The following BSN variants were observed in gnomAD, a reference collection of about 807,000 sequenced individuals.
BSN encodes the protein bassoon presynaptic cytomatrix protein.
A neutral mutation model predicts 264.8 loss-of-function variants in BSN; 57 were observed. That is an observed-to-expected ratio of 0.22 (90% CI 0.17 to 0.27). The LOEUF is 0.27. Among genes scored for constraint, BSN ranks in the 10% least tolerant of loss-of-function variants. The pLI is 1.00. For missense variants in BSN, 4,615 were observed against 5,232.5 expected (o/e 0.88, Z 3.64); for synonymous variants, 2,059 against 2,137.3 (o/e 0.96, Z 1.01).
chr3:49,623,763 A>G (rs1446200801), intron 1 of BSN, among the ~76,000 whole-genome samples: 1 of 152,260 alleles, frequency 6.6e-6, no homozygotes, highest in African/African-American at 2.4e-5. Context: ...GATGGCATTA[A>G]CTAGGCATTG....
Position 49,622,584 on chromosome 3 carries a change from C to T in BSN, c.225-2391C>T, listed in dbSNP as rs143283909. Among the ~76,000 whole-genome samples the T allele has an allele frequency of 2.0e-5, 3 of 152,336 alleles. No homozygotes were observed. In the East Asian group the frequency reaches 5.8e-4, roughly 29 times the overall value. ...ATACAATAGAAATGGCTACATTTCT[C>T]AGAAGGCTTGCACCACCTGGAGAGG... On this transcript the variant is annotated intron_variant, in intron 1 of 11. Coordinates refer to ENST00000296452, the MANE Select transcript of BSN (RefSeq NM_003458.4).
intron 1 of BSN, among the ~76,000 whole-genome samples, chr3:49,589,592 C>G (rs577804186): frequency 6.6e-6 from 1 of 150,696 alleles, no homozygotes; most frequent in Non-Finnish European, 1.5e-5. Flanking sequence ...CAGCAACCTC[C>G]GCCTTCCAGG....
intron 3 of BSN, among the ~76,000 whole-genome samples, chr3:49,644,454 C>T (rs2052491032): frequency 6.6e-6 from 1 of 152,194 alleles, no homozygotes; most frequent in Admixed American, 6.5e-5. Context: ...CCACACTTTC[C>T]AATATGCAGG....
intron 1 of BSN, among the ~76,000 whole-genome samples, chr3:49,581,880 A>G (rs2051897925): frequency 6.6e-6 from 1 of 152,140 alleles, no homozygotes; most frequent in Non-Finnish European, 1.5e-5. Context: ...ATAGGCATCT[A>G]CTGGGGGTCT....
At chr3:49,671,923 C>T (rs1272350912), downstream of BSN, among the ~76,000 whole-genome samples, 4 of 152,134 alleles carry the variant, frequency 2.6e-5, no homozygotes, top group Non-Finnish European at 4.4e-5. The surrounding 1 kb of genome is among the most constrained non-coding windows in gnomAD (Gnocchi z 4.1). Flanking sequence ...CTGCCTTGCT[C>T]CGAATTTTCC....
At chr3:49,637,463 G>C (rs2052428277) in intron 2 of BSN, among the ~76,000 whole-genome samples, 1 of 152,162 alleles carries the variant, frequency 6.6e-6, no homozygotes, top group Non-Finnish European at 1.5e-5. Flanking sequence ...TCCCAGAACT[G>C]CCCTCCTTGC....
intron 1 of BSN, among the ~76,000 whole-genome samples, chr3:49,597,529 C>T (rs748566340): frequency 1.1e-4 from 17 of 152,002 alleles, no homozygotes; most frequent in Non-Finnish European, 1.5e-4. Flanking sequence ...CAGGGTCTCA[C>T]TATGTTGCCC....
chr3:49,641,169 A>G (rs372335950), intron 2 of BSN, among the ~76,000 whole-genome samples: 6 of 152,314 alleles, frequency 3.9e-5, no homozygotes, highest in African/African-American at 1.4e-4. Context: ...TTATTGGGTC[A>G]TGTAACTGGA....
chr3:49,613,303 C>CGAGCGAGAGAGAGA (rs1553662875), intron 1 of BSN, among the ~76,000 whole-genome samples: 6 of 47,340 alleles, frequency 1.3e-4, no homozygotes, highest in African/African-American at 2.8e-4. Flanking sequence ...ACACACAGAG[C>CGAGCGAGAGAGAGA]GAGAGAGAGA....
At chr3:49,644,073 AC>A (rs1037288387) in intron 3 of BSN, among the ~76,000 whole-genome samples, 6 of 152,086 alleles carry the variant, frequency 3.9e-5, no homozygotes, top group Admixed American at 3.9e-4. Context: ...GCCCAGGGTC[AC>A]CCATGTGACC....
At chr3:49,623,877 C>T (rs1457470890) in intron 1 of BSN, among the ~76,000 whole-genome samples, 1 of 152,154 alleles carries the variant, frequency 6.6e-6, no homozygotes, top group Non-Finnish European at 1.5e-5. Context: ...AACTTGGGCT[C>T]ATGTTGGAAT....
Position 49,668,801 on chromosome 3 carries a change from T to A in BSN, c.*1316T>A, listed in dbSNP as rs2052731257. On this transcript the variant is annotated 3_prime_UTR_variant, in exon 12 of 12. Coordinates refer to ENST00000296452, the MANE Select transcript of BSN (RefSeq NM_003458.4). ...CAGGGCTCTTCCCTTGGGGGCCTCC[T>A]TTCATCTGGGGCACAGCCACAAGTC... 6.6e-6 allele frequency: 1 copy of A among 152,664 alleles called. No homozygotes were observed. Among genetic ancestry groups the A allele is most frequent in the African/African-American group, 2.4e-5 (1 of 41,456 alleles). 9.5% of individuals were successfully genotyped at this position (152,664 alleles called of 1,614,324 possible).
Position 49,660,402 on chromosome 3 carries a change from C to T in BSN, c.8641-84C>T, listed in dbSNP as rs1024563045. 6.0e-6 allele frequency: 9 copies of T among 1,503,532 alleles called. No individual in the cohort carries two copies. Among genetic ancestry groups the T allele is most frequent in the Non-Finnish European group, 8.0e-6 (9 of 1,127,540 alleles). The allele number at this position is 1,503,532 out of a possible 1,614,324, so 93.1% of individuals were successfully genotyped here. A position where few individuals can be genotyped will look rare whatever the true frequency, so the allele number is the denominator to read the frequency against. ...GATGGAACCCAGCTCCTTCCCCAGC[C>T]CAGGCCTGGGTTCTGCCACCCCACA... On this transcript the variant is annotated intron_variant, in intron 5 of 11. Transcript: ENST00000296452. The surrounding 1 kb of genome is among the most constrained non-coding windows in gnomAD (Gnocchi z 7.1).
At chr3:49,593,054 C>A (rs2051993029) in intron 1 of BSN, among the ~76,000 whole-genome samples, 1 of 152,168 alleles carries the variant, frequency 6.6e-6, no homozygotes, top group South Asian at 2.1e-4. Flanking sequence ...TTTGCCCAAC[C>A]CTTCCACCCC....
At chr3:49,583,222 G>A (rs982916753) in intron 1 of BSN, among the ~76,000 whole-genome samples, 2 of 152,060 alleles carry the variant, frequency 1.3e-5, no homozygotes, top group African/African-American at 4.8e-5. Context: ...GCCCACCTCG[G>A]CCTCCCAAAG....
chr3:49,635,934 A>G (rs1282096072), intron 2 of BSN, among the ~76,000 whole-genome samples: 2 of 151,604 alleles, frequency 1.3e-5, no homozygotes, highest in African/African-American at 2.4e-5. Flanking sequence ...AGCCATGATC[A>G]TGGCACTGCA....
intron 11 of BSN, among the ~76,000 whole-genome samples, chr3:49,665,672 C>G (rs2052707766): frequency 6.6e-6 from 1 of 152,244 alleles, no homozygotes; most frequent in South Asian, 2.1e-4. Flanking sequence ...GCTGCTGGTG[C>G]CTTTGCTCCA....
At position 49,656,946 on chromosome 3, in the gene BSN, C is replaced by T; in HGVS notation, c.7390C>T (p.Gln2464Ter). Residue 2464 changes from glutamine to a stop codon, truncating the protein, a stop_gained, in exon 5 of 12, where the codon CAG (glutamine) becomes TAG (stop). Transcript: ENST00000296452. LOFTEE classifies it high-confidence loss of function. The part of the protein sequence containing the change: ...QIQQLQQQLQ[Q>*]QLEEQKQRQK... ...CCAGCAGCTGCAGCAGCAGCTGCAG[C>T]AGCAGCTAGAGGAGCAGAAGCAGCG... The T allele has an allele frequency of 6.2e-7, 1 of 1,602,684 alleles. No individual in the cohort carries two copies. The highest frequency in any genetic ancestry group is 8.5e-7 in the Non-Finnish European group (1 of 1,173,682).
At position 49,654,728 on chromosome 3, in the gene BSN, C is replaced by T; in HGVS notation, c.5172C>T (p.Thr1724=). The T allele has an allele frequency of 1.9e-6, 3 of 1,613,654 alleles. No individual in the cohort carries two copies. Among genetic ancestry groups the T allele is most frequent in the South Asian group, 1.1e-5 (1 of 91,060 alleles). The change falls in exon 5 of 12, where the codon ACC becomes ACT. Residue 1724 remains threonine, a synonymous_variant. Coordinates refer to ENST00000296452, the MANE Select transcript of BSN (RefSeq NM_003458.4). This position sits in a 1 kb window ranked among gnomAD's most constrained non-coding sequence, Gnocchi z 4.1. The part of the protein sequence containing the change: ...LVINLNAQEH[T]FLATATTVSI... The stretch of plus-strand genomic sequence containing the variant: ...TCAACCTCAATGCCCAGGAGCATAC[C>T]TTCCTTGCTACTGCCACCACCGTGA...
Sources: gnomAD v4.1 joint callset for allele counts (sites outside exome capture counted in the v4.1 genomes callset) on GRCh38, gnomAD v4.1.1 for gene constraint, Gnocchi (gnomAD v3.1) non-coding constraint, MANE v1.5 for transcripts, NCBI Gene and HGNC (gene_info 2026-07-23, HGNC 2026-07-21) for gene names.